Variants in MYO9A observed in about 807,000 individuals in gnomAD.
MYO9A encodes unconventional myosin-IXa.
A neutral mutation model predicts 293.3 loss-of-function variants in MYO9A; 103 were observed. The observed-to-expected ratio is 0.35, with a 90% CI of 0.30 to 0.41. MYO9A has a LOEUF of 0.41. MYO9A is among the 10% of genes least tolerant of loss of function. The pLI, the probability that MYO9A is intolerant of heterozygous loss-of-function variation, is 1.00. For synonymous variants in MYO9A, 1,001 were observed against 1,035.7 expected, an observed-to-expected ratio of 0.97 and a Z score of 0.64; for missense variants, 2,685 against 3,033.0, an observed-to-expected ratio of 0.89 and a Z score of 2.69.
At chr15:71,975,058 A>C (rs532380231) in intron 12 of MYO9A, among the ~76,000 whole-genome samples, 1 of 152,354 alleles carries the variant, frequency 6.6e-6, no homozygotes, top group Non-Finnish European at 1.5e-5. Flanking sequence ...CTCAAAAGGT[A>C]AAAGTTGTAT....
intron 1 of MYO9A, among the ~76,000 whole-genome samples, chr15:72,079,292 C>A (rs2079466521): frequency 2.0e-5 from 3 of 151,258 alleles, no homozygotes; most frequent in South Asian, 4.2e-4. Context: ...AAAAAATAGA[C>A]CCTATTAAAA....
At chr15:71,976,046 T>C (rs2076137861) in intron 12 of MYO9A, among the ~76,000 whole-genome samples, 1 of 152,126 alleles carries the variant, frequency 6.6e-6, no homozygotes, top group African/African-American at 2.4e-5. Context: ...GAGAACCTGG[T>C]TGGTCAGAAG....
chr15:71,855,166 C>T (rs987310286), intron 34 of MYO9A, among the ~76,000 whole-genome samples: 1 of 152,104 alleles, frequency 6.6e-6, no homozygotes, highest in African/African-American at 2.4e-5. Flanking sequence ...GACAGAGTCT[C>T]GCTCTGTCAC....
chr15:71,939,882 A>T (rs928845524), intron 15 of MYO9A, among the ~76,000 whole-genome samples: 13 of 152,290 alleles, frequency 8.5e-5, no homozygotes, highest in Middle Eastern at 3.4e-3. Context: ...GGAATAATTT[A>T]AAAAAACTGA....
At position 71,822,378 on chromosome 15, in the gene MYO9A, G is replaced by T. The variant is rs1567164195; in HGVS notation, c.*4202C>A. ...TGTAGCCATACAGTGCATATTTTGAGTGACACAAACTGCACTTTATACAGA... is the reference window on the plus strand; with the variant it reads ...TGTAGCCATACAGTGCATATTTTGATTGACACAAACTGCACTTTATACAGA... On this transcript the variant is annotated 3_prime_UTR_variant, in exon 42 of 42. Coordinates refer to ENST00000356056, the MANE Select transcript of MYO9A (RefSeq NM_006901.4). 1 of 151,994 alleles carries T rather than the reference G, an allele frequency of 6.6e-6. No individual in the cohort carries two copies. The highest frequency in any genetic ancestry group is 2.4e-5 in the African/African-American group (1 of 41,370). 9.4% of individuals were successfully genotyped at this position (151,994 alleles called of 1,614,324 possible).
intron 18 of MYO9A, among the ~76,000 whole-genome samples, chr15:71,932,483 T>C (rs1184015225): frequency 6.6e-6 from 1 of 151,848 alleles, no homozygotes; most frequent in Non-Finnish European, 1.5e-5. Context: ...GCAAGCCAGA[T>C]GAAAAAACTC....
rs1447682615 is a variant in MYO9A at position 71,902,948 on chromosome 15, T to C, written c.2993A>G (p.Lys998Arg). 1 of 1,575,346 alleles carries C rather than the reference T, an allele frequency of 6.3e-7. No homozygotes were observed. The highest frequency in any genetic ancestry group is 8.7e-7 in the Non-Finnish European group (1 of 1,151,848). The change falls in exon 22 of 42, where the codon AAA becomes AGA. Residue 998 changes from lysine (K) to arginine (R), a missense_variant. This residue lies in a region of MYO9A where 1,434 missense variants were observed against 1,497.7 expected (regional missense o/e 0.96). Coordinates refer to ENST00000356056, the MANE Select transcript of MYO9A (RefSeq NM_006901.4). ...TATACAGATTATATTTACCATGGTT[T>C]TTCCAACTTGATAATTATCTGGATT... ...NLNPDNYQVG[K>R]TMVFLKEQER...
At position 72,042,342 on chromosome 15, in the gene MYO9A, T is replaced by A. The variant is rs988052011; in HGVS notation, c.840+3382A>T. ...CTGTGGGATCCACTCTCAAAAAAAA[T>A]TTTTTTAATGAGAAAGAAAACAATG... On this transcript the variant is annotated intron_variant, in intron 2 of 41. Coordinates refer to ENST00000356056, the MANE Select transcript of MYO9A (RefSeq NM_006901.4). 3.3e-5 allele frequency among the ~76,000 whole-genome samples: 5 copies of A among 151,856 alleles called. No individual in the cohort carries two copies. In the South Asian group the frequency reaches 6.2e-4, roughly 19 times the overall value.
intron 1 of MYO9A, 60 bp downstream of exon 1, chr15:72,117,620 G>A (rs904411866): frequency 2.5e-6 from 1 of 393,936 alleles, no homozygotes; most frequent in Non-Finnish European, 4.5e-6. Context: ...GCCAAATAGC[G>A]AGGCTGAGAC....
intron 19 of MYO9A, among the ~76,000 whole-genome samples, chr15:71,907,805 T>C (rs1474592763): frequency 6.6e-6 from 1 of 152,212 alleles, no homozygotes; most frequent in African/African-American, 2.4e-5. Context: ...GTTTTTTTCT[T>C]GTAAATGTGT....
At chr15:72,086,870 C>T (rs1596542164) in intron 1 of MYO9A, among the ~76,000 whole-genome samples, 2 of 152,212 alleles carry the variant, frequency 1.3e-5, no homozygotes, top group South Asian at 2.1e-4. Flanking sequence ...CAGGTTCAAG[C>T]GATTCTCCTG....
chr15:71,869,566 T>C (rs2056443137), intron 32 of MYO9A, among the ~76,000 whole-genome samples: 2 of 152,172 alleles, frequency 1.3e-5, no homozygotes, highest in Admixed American at 6.5e-5. Flanking sequence ...GGATGAATGG[T>C]GGAATCTAAA....
chr15:71,973,157 C>A (rs2076056170), intron 12 of MYO9A, among the ~76,000 whole-genome samples: 2 of 152,068 alleles, frequency 1.3e-5, no homozygotes, highest in Non-Finnish European at 2.9e-5. Flanking sequence ...TGTGCAGGGG[C>A]AACAAAGTAC....
chr15:72,045,558 G>A (rs573903180), intron 2 of MYO9A, among the ~76,000 whole-genome samples, 166 bp downstream of exon 2: 17 of 152,126 alleles, frequency 1.1e-4, no homozygotes, highest in South Asian at 6.2e-4. Context: ...GAGCCATTGC[G>A]CCCAGCCCTA....
intron 15 of MYO9A, among the ~76,000 whole-genome samples, chr15:71,946,526 C>A (rs1382499906): frequency 2.0e-5 from 3 of 152,090 alleles, no homozygotes; most frequent in Non-Finnish European, 4.4e-5. Flanking sequence ...TAATTGTGTC[C>A]ACTCTTTCAT....
chr15:72,017,114 G>A (rs1023924554), intron 6 of MYO9A, among the ~76,000 whole-genome samples: 5 of 146,140 alleles, frequency 3.4e-5, no homozygotes, highest in Non-Finnish European at 7.4e-5. Flanking sequence ...TCAACCTCCT[G>A]GGCTCAAGCA....
In MYO9A at chr15:71,830,122, G is replaced by C; in HGVS notation, c.7027C>G (p.Leu2343Val). 1 of 1,614,024 alleles carries C rather than the reference G, an allele frequency of 6.2e-7. No homozygotes were observed. The highest frequency in any genetic ancestry group is 8.5e-7 in the Non-Finnish European group (1 of 1,179,964). Residue 2343 changes from leucine (L) to valine (V), a missense_variant, in exon 40 of 42, where the codon CTA becomes GTA. Around this residue, in one of 10 missense-constraint regions of MYO9A, gnomAD observed 350 missense variants for 328.9 expected, o/e 1.06. Transcript: ENST00000356056. Reference sequence around the variant, plus strand: ...CTGGATACTCACTTCTCCTTCTGTAGGTTCTCAATCTGCTCAGTCAGTACT... The same window carrying C: ...CTGGATACTCACTTCTCCTTCTGTACGTTCTCAATCTGCTCAGTCAGTACT... ...ERVLTEQIEN[L>V]QKEKEELTFE... is the part of the protein sequence containing the mutation.
At chr15:72,031,177 A>C (rs1457588876) in intron 3 of MYO9A, among the ~76,000 whole-genome samples, 1 of 152,224 alleles carries the variant, frequency 6.6e-6, no homozygotes, top group Non-Finnish European at 1.5e-5. Flanking sequence ...CGACGAAACC[A>C]GTCCCTGGCA....
chr15:72,055,169 A>G (rs1210957255), intron 1 of MYO9A, among the ~76,000 whole-genome samples: 3 of 152,216 alleles, frequency 2.0e-5, no homozygotes, highest in Non-Finnish European at 4.4e-5. Flanking sequence ...GCCCATAGTC[A>G]TAGCTATTTG....
Sources: gnomAD v4.1 joint callset for allele counts (sites outside exome capture counted in the v4.1 genomes callset) on GRCh38, gnomAD v4.1.1 for gene constraint, gnomAD v4.1.1 regional missense constraint, MANE v1.5 for transcripts, NCBI Gene and HGNC (gene_info 2026-07-23, HGNC 2026-07-21) for gene names.